Variants in DDX31 observed in about 807,000 individuals in gnomAD.
DDX31 encodes the protein DEAD-box helicase 31.
A neutral mutation model predicts 91.3 loss-of-function variants in DDX31; 70 were observed. The ratio of observed to expected loss-of-function variants is 0.77; its 90% confidence interval spans 0.63 to 0.94. DDX31 has a LOEUF of 0.94. Among genes scored for constraint, DDX31 ranks in the 40% least tolerant of loss-of-function variants. The probability of loss-of-function intolerance (pLI) is 0.00; values close to 1 mark genes in which losing one functional copy is unlikely to be tolerated. For missense variants in DDX31, 902 were observed against 925.0 expected, an observed-to-expected ratio of 0.98 and a Z score of 0.32; for synonymous variants, 362 against 350.6, an observed-to-expected ratio of 1.03 and a Z score of -0.36.
chr9:132,621,734 T>C (rs997513316), intron 17 of DDX31, among the ~76,000 whole-genome samples: 1 of 152,248 alleles, frequency 6.6e-6, no homozygotes, highest in African/African-American at 2.4e-5. Context: ...GATTTAAAAG[T>C]TGTATCCAGC....
At chr9:132,628,640 A>G (rs572511045) in intron 16 of DDX31, among the ~76,000 whole-genome samples, 1 of 152,310 alleles carries the variant, frequency 6.6e-6, no homozygotes, top group East Asian at 1.9e-4. Context: ...GGCATTAGAC[A>G]ATTATCATTG....
At chr9:132,649,286 A>T (rs1184476913) in intron 9 of DDX31, among the ~76,000 whole-genome samples, 1 of 152,154 alleles carries the variant, frequency 6.6e-6, no homozygotes, top group Non-Finnish European at 1.5e-5. Flanking sequence ...AAGTATAGTC[A>T]TGTTTGTTTT....
intron 14 of DDX31, chr9:132,637,885 T>C (rs779349383): frequency 4.0e-6 from 4 of 988,938 alleles, no homozygotes; most frequent in African/African-American, 1.7e-5. Context: ...CTACATTTAT[T>C]TGGGACACAG....
At chr9:132,648,370 C>T (rs1341564709) in intron 10 of DDX31, 62 bp downstream of exon 10, 1 of 1,605,058 alleles carries the variant, frequency 6.2e-7, no homozygotes. Flanking sequence ...ACAGAAGTTG[C>T]AACAAGGAGA....
chr9:132,642,797 G>A (rs994648457), intron 13 of DDX31, among the ~76,000 whole-genome samples: 1 of 151,394 alleles, frequency 6.6e-6, no homozygotes, highest in African/African-American at 2.4e-5. Context: ...TTATTTACGT[G>A]ACCAATGTTG....
At chr9:132,643,666 T>C (rs1040236902) in intron 13 of DDX31, among the ~76,000 whole-genome samples, 2 of 152,126 alleles carry the variant, frequency 1.3e-5, no homozygotes, top group African/African-American at 4.8e-5. Context: ...ACAGACAGGT[T>C]AAGGAACTTG....
At chr9:132,597,720 C>T (rs978450139) in intron 19 of DDX31, among the ~76,000 whole-genome samples, 3 of 152,190 alleles carry the variant, frequency 2.0e-5, no homozygotes, top group Non-Finnish European at 4.4e-5. Context: ...CCCAACAGAG[C>T]AGAAGCCCAC....
Position 132,618,349 on chromosome 9 carries a change from C to G in DDX31, c.1806G>C (p.Arg602Ser), listed in dbSNP as rs140049445. Residue 602 changes from arginine to serine, a missense_variant, in exon 18 of 20, where the codon AGG becomes AGC. Arg to Ser is a moderately radical substitution (Grantham distance 110). Coordinates refer to ENST00000372159, the MANE Select transcript of DDX31 (RefSeq NM_022779.9). ...ACTGACCTTTCTTTGCCCAGGAGAC[C>G]CTCCTCTCACTGGAGTGCACGTAAT... ...FEDYVHSSER[R>S]VSWAKKALQS... 6.2e-7 allele frequency: 1 copy of G among 1,609,026 alleles called. No homozygotes were observed. The highest frequency in any genetic ancestry group is 1.3e-5 in the African/African-American group (1 of 74,746).
In DDX31 at chr9:132,616,581, CACA is replaced by C. The variant is rs1232064279; in HGVS notation, c.1825+1746_1825+1748del. 2.6e-5 allele frequency among the ~76,000 whole-genome samples: 4 copies of C among 152,322 alleles called. No homozygotes were observed. The East Asian group carries it at 7.7e-4, about 29-fold the overall frequency. On this transcript the variant is annotated intron_variant, in intron 18 of 19. Transcript: ENST00000372159. ...TGATACCAGCCCTGGAATTCAGCAG[CACA>C]ACACCTTGTTATGTACTGCACAGCC...
chr9:132,612,416 T>C (rs543489844), intron 18 of DDX31, 161 bp from the exon 19 acceptor site: 5 of 760,634 alleles, frequency 6.6e-6, no homozygotes, highest in East Asian at 5.5e-5. Flanking sequence ...TAGACTTCTG[T>C]GTATTTCTTC....
chr9:132,663,308 C>T (rs1228764789), intron 1 of DDX31: 2 of 1,288,962 alleles, frequency 1.6e-6, no homozygotes, highest in African/African-American at 1.5e-5. Flanking sequence ...AATTCCTACG[C>T]CCTGTTCCCA....
At chr9:132,618,230 C>T (rs1831766317) in intron 18 of DDX31, 100 bp downstream of exon 18, 12 of 920,550 alleles carry the variant, frequency 1.3e-5, no homozygotes, top group Admixed American at 2.8e-5. Flanking sequence ...CAGGGACCTC[C>T]ATGTTGGCCT....
Position 132,632,241 on chromosome 9 carries a change from T to TGTACACACACACAC in DDX31, c.1441-151_1441-150insGTGTGTGTGTGTAC, listed in dbSNP as rs1466872933. On this transcript the variant is annotated intron_variant, in intron 14 of 19. Coordinates refer to ENST00000372159, the MANE Select transcript of DDX31 (RefSeq NM_022779.9). Reference sequence around the variant, plus strand: ...CATACACGTATATGCCCAGTACGTGTACACACACACACACACACACACACA... The same window carrying TGTACACACACACAC: ...CATACACGTATATGCCCAGTACGTGTGTACACACACACACACACACACACACACACACACACACA... 114 of 94,144 alleles carry TGTACACACACACAC rather than the reference T, an allele frequency of 1.2e-3. 4 individuals are homozygous for TGTACACACACACAC. Among genetic ancestry groups the TGTACACACACACAC allele is most frequent in the South Asian group, 1.7e-3 (12 of 7,050 alleles). 5.8% of individuals were successfully genotyped at this position (94,144 alleles called of 1,614,324 possible). A position where few individuals can be genotyped will look rare whatever the true frequency, so the allele number is the denominator to read the frequency against.
chr9:132,613,548 G>T (rs1831466143), intron 18 of DDX31, among the ~76,000 whole-genome samples: 1 of 152,124 alleles, frequency 6.6e-6, no homozygotes, highest in East Asian at 1.9e-4. Context: ...GCAAAAATTA[G>T]CCGGATGTGG....
chr9:132,635,088 C>A (rs568103954), intron 14 of DDX31, among the ~76,000 whole-genome samples: 1 of 152,118 alleles, frequency 6.6e-6, no homozygotes, highest in East Asian at 1.9e-4. Context: ...GGTAAGGTTG[C>A]GGTTAGGCTT....
Position 132,630,308 on chromosome 9 carries a change from A to C in DDX31, c.1587T>G (p.Pro529=), listed in dbSNP as rs755091161. Residue 529 remains proline, a synonymous_variant, in exon 16 of 20, where the codon CCT becomes CCG. Coordinates refer to ENST00000372159, the MANE Select transcript of DDX31 (RefSeq NM_022779.9). The part of the protein sequence containing the change: ...CHGSSLLILA[P]SEAEYVNSLA... ...ACGAGTTGACATATTCTGCCTCCGAAGGAGCCAAAATGAGCAGGCTGCTCC... is the reference window on the plus strand; with the variant it reads ...ACGAGTTGACATATTCTGCCTCCGACGGAGCCAAAATGAGCAGGCTGCTCC... 24 of 1,595,908 alleles carry C rather than the reference A, an allele frequency of 1.5e-5. No individual in the cohort carries two copies. Among genetic ancestry groups the C allele is most frequent in the Middle Eastern group, 3.3e-4 (2 of 6,000 alleles).
chr9:132,652,506 GA>G lies in DDX31; in HGVS notation c.589-15del, dbSNP rs754618896. 4 of 1,613,196 alleles carry G rather than the reference GA, an allele frequency of 2.5e-6. No homozygotes were observed. Among genetic ancestry groups the G allele is most frequent in the Admixed American group, 3.3e-5 (2 of 59,966 alleles). The stretch of plus-strand genomic sequence containing the variant: ...GCCATCACTGCGCTGTTGACACACA[GA>G]AAAAAAATGCCATGAGCAGGATAAA... On this transcript the variant is annotated splice_polypyrimidine_tract_variant and intron_variant, in intron 6 of 19. Transcript: ENST00000372159.
At chr9:132,613,708 T>C (rs1324063550) in intron 18 of DDX31, among the ~76,000 whole-genome samples, 1 of 152,066 alleles carries the variant, frequency 6.6e-6, no homozygotes, top group Non-Finnish European at 1.5e-5. Flanking sequence ...GAAAACTAAA[T>C]TAAATTAAAT....
At chr9:132,652,219 TATC>T (rs1834237496) in intron 7 of DDX31, among the ~76,000 whole-genome samples, 1 of 152,212 alleles carries the variant, frequency 6.6e-6, no homozygotes. Context: ...CATTTAATAG[TATC>T]ATTAGTTTCT....
Sources: gnomAD v4.1 joint callset for allele counts (sites outside exome capture counted in the v4.1 genomes callset) on GRCh38, gnomAD v4.1.1 for gene constraint, MANE v1.5 for transcripts, NCBI Gene and HGNC (gene_info 2026-07-23, HGNC 2026-07-21) for gene names.